The following MBTPS1 variants were observed in gnomAD, a reference collection of about 807,000 sequenced individuals.
The protein encoded by MBTPS1 is membrane bound transcription factor peptidase, site 1, also known as membrane-bound transcription factor site-1 protease.
Under a neutral mutation model 127.8 loss-of-function variants are expected in MBTPS1, and 94 were observed. That is an observed-to-expected ratio of 0.74 (90% CI 0.62 to 0.87). MBTPS1 has a LOEUF of 0.87. Ranked by LOEUF, MBTPS1 falls within the 40% of genes least tolerant of loss-of-function variation. The probability of loss-of-function intolerance (pLI) is 0.00; values close to 1 mark genes in which losing one functional copy is unlikely to be tolerated. For missense variants in MBTPS1, 1,636 were observed against 1,353.2 expected (o/e 1.21, Z -3.28); for synonymous variants, 632 against 509.4 (o/e 1.24, Z -3.24).
intron 4 of MBTPS1, among the ~76,000 whole-genome samples, chr16:84,094,902 T>C (rs2086158571): frequency 6.6e-6 from 1 of 152,138 alleles, no homozygotes; most frequent in Admixed American, 6.5e-5. Context: ...AAGTCAAGGA[T>C]ATACGAAAGA....
intron 22 of MBTPS1, 71 bp downstream of exon 22, chr16:84,055,934 G>A: frequency 6.5e-7 from 1 of 1,536,736 alleles, no homozygotes; most frequent in Non-Finnish European, 8.9e-7. Flanking sequence ...CGCCTCCTGG[G>A]GAGGGAGGGA....
intron 1 of MBTPS1, among the ~76,000 whole-genome samples, chr16:84,111,645 G>A (rs988312275): frequency 3.9e-5 from 6 of 152,120 alleles, no homozygotes; most frequent in Non-Finnish European, 5.9e-5. Context: ...AAAAACAAAA[G>A]GAAACTGATT....
chr16:84,081,897 T>A lies in MBTPS1; in HGVS notation c.1298A>T (p.Lys433Met), dbSNP rs368415040. 2.8e-6 allele frequency: 4 copies of A among 1,416,872 alleles called. No homozygotes were observed. The highest frequency in any genetic ancestry group is 2.9e-5 in the African/African-American group (2 of 67,840). The allele number at this position is 1,416,872 out of a possible 1,614,324, so 87.8% of individuals were successfully genotyped here. A position where few individuals can be genotyped will look rare whatever the true frequency, so the allele number is the denominator to read the frequency against. ...ACTGGCGGGATTCACCAGCTCACGC[T>A]TCTGGACTGTGCTGGAGGAAAAATC... ...AVTLLVSTVQKRELVNPASMK... is the reference protein window; with the variant it reads ...AVTLLVSTVQMRELVNPASMK... Residue 433 changes from lysine to methionine, a missense_variant, in exon 11 of 23, where the codon AAG (lysine) becomes ATG (methionine). By Grantham distance (95) the Lys-to-Met change is moderately conservative. Transcript: ENST00000343411.
At chr16:84,076,284 A>AT (rs34940493) in intron 11 of MBTPS1, among the ~76,000 whole-genome samples, 41,885 of 151,802 alleles carry the variant, frequency 0.28, 6,174 homozygotes, top group East Asian at 0.43. Flanking sequence ...CACAATAAAA[A>AT]ATATATACAT....
Position 84,087,402 on chromosome 16 carries a change from C to T in MBTPS1, c.1090G>A (p.Glu364Lys), listed in dbSNP as rs190540580. ...DVIGVGGIDF[E>K]DNIARFSSRG... ...GAAGAAAAGCGGGCGATGTTATCTT[C>T]AAAGTCAATGCCGCCTACTCCAATC... Residue 364 changes from glutamate to lysine, a missense_variant, in exon 9 of 23, where the codon GAA (glutamate) becomes AAA (lysine). Coordinates refer to ENST00000343411, the MANE Select transcript of MBTPS1 (RefSeq NM_003791.4). 1.3e-4 allele frequency: 213 copies of T among 1,609,772 alleles called. 1 individual carries two copies. In the Admixed American group the frequency reaches 3.0e-3, roughly 22 times the overall value.
rs146159374 is a variant in MBTPS1 at position 84,070,158 on chromosome 16, A to G, written c.1783-120T>C. 5.3e-4 allele frequency: 430 copies of G among 816,838 alleles called. 3 individuals carry two copies. The African/African-American group carries it at 6.5e-3, about 12-fold the overall frequency. 50.6% of individuals were successfully genotyped at this position (816,838 alleles called of 1,614,324 possible). On this transcript the variant is annotated intron_variant, in intron 13 of 22. Transcript: ENST00000343411. ...AATAATTTGAACACAAGAATTTCCA[A>G]TAACAAATGTCTGATGAAAGATTCA...
chr16:84,115,256 C>T (rs1272538760), intron 1 of MBTPS1, among the ~76,000 whole-genome samples: 1 of 152,194 alleles, frequency 6.6e-6, no homozygotes, highest in African/African-American at 2.4e-5. Flanking sequence ...AACCTCCTGA[C>T]TAGAAGAGCT....
chr16:84,066,842 G>C lies in MBTPS1; in HGVS notation c.2229-229C>G, dbSNP rs534122679. Among the ~76,000 whole-genome samples, 15 of 152,274 alleles carry C rather than the reference G, an allele frequency of 9.9e-5. No individual in the cohort carries two copies. In the South Asian group the frequency reaches 1.2e-3, roughly 13 times the overall value. ...AATTTATTTTATGAAATGAAAATCA[G>C]TACTTTACCGAAATGCACCAGAGAT... is the stretch of plus-strand genomic sequence containing the variant. On this transcript the variant is annotated intron_variant, in intron 16 of 22. Coordinates refer to ENST00000343411, the MANE Select transcript of MBTPS1 (RefSeq NM_003791.4).
At chr16:84,087,019 T>C (rs1440493440) in intron 9 of MBTPS1, among the ~76,000 whole-genome samples, 1 of 152,172 alleles carries the variant, frequency 6.6e-6, no homozygotes, top group African/African-American at 2.4e-5. Context: ...GGAGGACTGC[T>C]TACCACTACT....
chr16:84,104,988 A>G (rs932841518), intron 1 of MBTPS1, among the ~76,000 whole-genome samples: 3 of 151,846 alleles, frequency 2.0e-5, no homozygotes, highest in African/African-American at 7.3e-5. Flanking sequence ...TGTAATCCCA[A>G]CTACTCCGGA....
intron 1 of MBTPS1, among the ~76,000 whole-genome samples, chr16:84,106,022 C>G (rs897366149): frequency 6.6e-6 from 1 of 152,128 alleles, no homozygotes; most frequent in African/African-American, 2.4e-5. Context: ...CAGCTAGGCA[C>G]GATGGGTCAC....
At chr16:84,096,798 T>C (rs1289678687) in intron 3 of MBTPS1, among the ~76,000 whole-genome samples, 2 of 152,194 alleles carry the variant, frequency 1.3e-5, no homozygotes, top group Non-Finnish European at 2.9e-5. Context: ...CTGCTGAGTC[T>C]GATCTTTAAG....
At chr16:84,078,691 C>T (rs955034432) in intron 11 of MBTPS1, among the ~76,000 whole-genome samples, 2 of 152,204 alleles carry the variant, frequency 1.3e-5, no homozygotes, top group African/African-American at 2.4e-5. Flanking sequence ...AACGATTGTA[C>T]ATTCACAGGA....
At position 84,070,598 on chromosome 16, in the gene MBTPS1, G is replaced by C. The variant is rs1206496350; in HGVS notation, c.1772C>G (p.Ala591Gly). The change falls in exon 13 of 23, where the codon GCA becomes GGA. Residue 591 changes from alanine to glycine, a missense_variant. Transcript: ENST00000343411. ...CCCGCATATCCCTACCTCTGTCTCT[G>C]CTGGGGAAGCCACAGTGATCATGAC... ...GHVMITVASPAETESKNGAEQ... is the reference protein window; with the variant it reads ...GHVMITVASPGETESKNGAEQ... The C allele has an allele frequency of 6.8e-6, 11 of 1,612,010 alleles. No homozygotes were observed. Among genetic ancestry groups the C allele is most frequent in the Non-Finnish European group, 8.5e-6 (10 of 1,179,678 alleles).
chr16:84,090,792 G>A, intron 8 of MBTPS1, 83 bp downstream of exon 8: 1 of 952,630 alleles, frequency 1.0e-6, no homozygotes. Context: ...AGTAACCATA[G>A]GTAGATACAC....
chr16:84,054,969 C>CTG (rs1212704287), intron 22 of MBTPS1, among the ~76,000 whole-genome samples: 1 of 152,158 alleles, frequency 6.6e-6, no homozygotes, highest in Non-Finnish European at 1.5e-5. Context: ...CAGAGGCGCT[C>CTG]TGTGTTTCTC....
At chr16:84,071,639 G>GA (rs2151148936) in intron 12 of MBTPS1, among the ~76,000 whole-genome samples, 1 of 152,044 alleles carries the variant, frequency 6.6e-6, no homozygotes, top group South Asian at 2.1e-4. Flanking sequence ...AAAATTAGTA[G>GA]AAAAATAAAA....
intron 11 of MBTPS1, chr16:84,075,374 C>T (rs1250904469): frequency 6.6e-6 from 1 of 152,274 alleles, no homozygotes; most frequent in East Asian, 1.9e-4. Flanking sequence ...GACACAAGTG[C>T]TCTGGCAATT....
At position 84,087,295 on chromosome 16, in the gene MBTPS1, C is replaced by T. The variant is rs1001350442; in HGVS notation, c.1134+63G>A. 2.7e-5 allele frequency: 34 copies of T among 1,277,770 alleles called. No homozygotes were observed. In the African/African-American group the frequency reaches 2.9e-4, roughly 11 times the overall value. 79.2% of individuals were successfully genotyped at this position (1,277,770 alleles called of 1,614,324 possible). A position where few individuals can be genotyped will look rare whatever the true frequency, so the allele number is the denominator to read the frequency against. ...ATACACCCCAAGGCTCGTCAACAAC[C>T]GGTGCCACTAGCCACAGTAGTTTGT... On this transcript the variant is annotated intron_variant, in intron 9 of 22. Transcript: ENST00000343411.
Sources: gnomAD v4.1 joint callset for allele counts (sites outside exome capture counted in the v4.1 genomes callset) on GRCh38, gnomAD v4.1.1 for gene constraint, MANE v1.5 for transcripts, NCBI Gene and HGNC (gene_info 2026-07-23, HGNC 2026-07-21) for gene names.